RNF220: variants seen among roughly 807,000 people sequenced by gnomAD.
RNF220 encodes E3 ubiquitin-protein ligase RNF220.
Under a neutral mutation model 67.1 loss-of-function variants are expected in RNF220, and 7 were observed. The observed-to-expected ratio is 0.10, with a 90% confidence interval of 0.06 to 0.20. RNF220 has a LOEUF of 0.20. Ranked by LOEUF, RNF220 falls within the 10% of genes least tolerant of loss-of-function variation. The pLI is 1.00. For missense variants in RNF220, 565 were observed against 740.3 expected (o/e 0.76, Z 2.75); for synonymous variants, 270 against 283.2 (o/e 0.95, Z 0.47).
intron 2 of RNF220, among the ~76,000 whole-genome samples, chr1:44,557,692 ATT>A (rs1663225820): frequency 1.3e-5 from 2 of 152,172 alleles, no homozygotes; most frequent in Admixed American, 1.3e-4. Flanking sequence ...GGGAGAATGA[ATT>A]TCTTAAGTTC....
At chr1:44,500,541 T>C (rs1263674551) in intron 2 of RNF220, among the ~76,000 whole-genome samples, 2 of 152,212 alleles carry the variant, frequency 1.3e-5, no homozygotes, top group Non-Finnish European at 2.9e-5. Context: ...AAGGAGAACT[T>C]TGTTCTGTTC....
intron 2 of RNF220, among the ~76,000 whole-genome samples, chr1:44,422,446 G>T (rs993122918): frequency 6.6e-6 from 1 of 152,210 alleles, no homozygotes; most frequent in South Asian, 2.1e-4. Context: ...GCTGATTTAC[G>T]GGGAAAAGAA....
In RNF220 at chr1:44,621,684, T is replaced by C. The variant is rs577308480; in HGVS notation, c.759-1058T>C. Among the ~76,000 whole-genome samples the C allele has an allele frequency of 9.2e-5, 14 of 152,286 alleles. No homozygotes were observed. The East Asian group carries it at 1.9e-3, about 21-fold the overall frequency. On this transcript the variant is annotated intron_variant, in intron 3 of 14. Transcript: ENST00000361799. The surrounding 1 kb of genome is among the most constrained non-coding windows in gnomAD (Gnocchi z 4.8). ...CTGGCCCTGTGGGTGTCTGAGCTCA[T>C]CTGTGGATGTTCCTTATGTCTACAC...
Position 44,650,199 on chromosome 1 carries a change from G to C in RNF220, c.1629+242G>C, listed in dbSNP as rs1254104337. ...ACTGCATTCTCCCTTCCCCGCCCCG[G>C]TCCCCGAAGGCCCACTGCATCACAC... On this transcript the variant is annotated intron_variant, in intron 14 of 14. Transcript: ENST00000361799. This position sits in a 1 kb window ranked among gnomAD's most constrained non-coding sequence, Gnocchi z 4.3. 1 of 580,368 alleles carries C rather than the reference G, an allele frequency of 1.7e-6. No homozygotes were observed. Among genetic ancestry groups the C allele is most frequent in the African/African-American group, 1.9e-5 (1 of 53,292 alleles). 36.0% of individuals were successfully genotyped at this position (580,368 alleles called of 1,614,324 possible). A position where few individuals can be genotyped will look rare whatever the true frequency, so the allele number is the denominator to read the frequency against.
At chr1:44,418,327 AC>A (rs1329609137) in intron 2 of RNF220, among the ~76,000 whole-genome samples, 1 of 152,056 alleles carries the variant, frequency 6.6e-6, no homozygotes, top group African/African-American at 2.4e-5. Context: ...GCGCCTGGGG[AC>A]CTCGCTGGCC....
chr1:44,548,457 T>C (rs1273359562), intron 2 of RNF220, among the ~76,000 whole-genome samples: 1 of 152,168 alleles, frequency 6.6e-6, no homozygotes, highest in East Asian at 1.9e-4. Context: ...CCACCTAGAC[T>C]CCTTCATTCA....
At chr1:44,632,137 G>C (rs1451281177) in intron 5 of RNF220, 3 of 1,532,468 alleles carry the variant, frequency 2.0e-6, no homozygotes, top group African/African-American at 1.4e-5. Context: ...GGTCCCGTTA[G>C]AGCAGCGCCC....
At chr1:44,593,087 T>C (rs1052017490) in intron 2 of RNF220, among the ~76,000 whole-genome samples, 3 of 152,032 alleles carry the variant, frequency 2.0e-5, no homozygotes, top group African/African-American at 7.3e-5. Flanking sequence ...ACAGAACAGA[T>C]CCAGGAGCAG....
chr1:44,430,530 GTTTATTTTTA>G (rs1650249222), intron 2 of RNF220, among the ~76,000 whole-genome samples: 4 of 151,996 alleles, frequency 2.6e-5, no homozygotes, highest in Admixed American at 2.6e-4. Flanking sequence ...CAAAATAAAA[GTTTATTTTTA>G]TTTATTTTTA....
At position 44,433,129 on chromosome 1, in the gene RNF220, C is replaced by A. The variant is rs138194813; in HGVS notation, c.625+20407C>A. On this transcript the variant is annotated intron_variant, in intron 2 of 14. Coordinates refer to ENST00000361799, the MANE Select transcript of RNF220 (RefSeq NM_018150.4). ...ATTTTTTGTAGAGATGGAGTTTCAC[C>A]ATGTTGGCCAGGCTGGTCTCGAACT... Among the ~76,000 whole-genome samples the A allele has an allele frequency of 3.1e-3, 470 of 152,202 alleles. 3 individuals carry two copies. The highest frequency in any genetic ancestry group is 0.011 in the African/African-American group (443 of 41,516).
chr1:44,431,813 TATG>T (rs1188482486), intron 2 of RNF220, among the ~76,000 whole-genome samples: 2 of 152,216 alleles, frequency 1.3e-5, no homozygotes, highest in Non-Finnish European at 2.9e-5. Context: ...ATTGGCTCAA[TATG>T]ATATGTGCTC....
chr1:44,441,251 T>C (rs1051749163), intron 2 of RNF220, among the ~76,000 whole-genome samples: 9 of 152,142 alleles, frequency 5.9e-5, no homozygotes, highest in African/African-American at 2.2e-4. Context: ...AGGCTTTTAA[T>C]TTGCTGTCAC....
At chr1:44,426,352 T>A (rs1254087996) in intron 2 of RNF220, among the ~76,000 whole-genome samples, 2 of 152,106 alleles carry the variant, frequency 1.3e-5, no homozygotes, top group African/African-American at 4.8e-5. Flanking sequence ...CCCTGTCAGA[T>A]TTGGAAGGGC....
At chr1:44,599,268 G>A (rs1227220848) in intron 2 of RNF220, among the ~76,000 whole-genome samples, 2 of 152,204 alleles carry the variant, frequency 1.3e-5, no homozygotes, top group Admixed American at 1.3e-4. Flanking sequence ...AATATTATAT[G>A]ATGTATGCAA....
At chr1:44,487,912 A>G (rs962943033) in intron 2 of RNF220, among the ~76,000 whole-genome samples, 3 of 150,876 alleles carry the variant, frequency 2.0e-5, no homozygotes, top group Non-Finnish European at 4.4e-5. Flanking sequence ...AAATAAATAA[A>G]CTAGGGACCT....
At chr1:44,618,383 G>C (rs180746896) in intron 3 of RNF220, among the ~76,000 whole-genome samples, 1 of 152,326 alleles carries the variant, frequency 6.6e-6, no homozygotes, top group African/African-American at 2.4e-5. Context: ...AGGTACATGG[G>C]TGCACAGACA....
chr1:44,427,532 G>A (rs747587795), intron 2 of RNF220, among the ~76,000 whole-genome samples: 26 of 152,272 alleles, frequency 1.7e-4, no homozygotes, highest in South Asian at 1.0e-3. Context: ...TACCCAGTGC[G>A]TTGCCTGGAA....
rs1647242893 is a variant in RNF220, at chr1:44,405,397, C to CTGCT, written c.-251_-250insTGCT. The stretch of plus-strand genomic sequence containing the variant: ...CGCCTACTGCTGCTGCTGCTGCTGC[C>CTGCT]GCTGCCGCCGCCGCCGCCGCCGCTG... On this transcript the variant is annotated 5_prime_UTR_variant, in exon 1 of 15. The change creates a premature stop within an existing upstream ORF in the 5' untranslated region. Transcript: ENST00000361799. 5 of 561,386 alleles carry CTGCT rather than the reference C, an allele frequency of 8.9e-6. No homozygotes were observed. Among genetic ancestry groups the CTGCT allele is most frequent in the African/African-American group, 8.4e-5 (4 of 47,388 alleles). 34.8% of individuals were successfully genotyped at this position (561,386 alleles called of 1,614,324 possible).
At chr1:44,605,311 A>AAAAG (rs35126399) in intron 2 of RNF220, among the ~76,000 whole-genome samples, 62,784 of 143,040 alleles carry the variant, frequency 0.44, 15,261 homozygotes, top group Middle Eastern at 0.57. Context: ...AAAAAAAAAA[A>AAAAG]AGAAAAGAAA....
Sources: allele counts gnomAD v4.1 joint callset (sites outside exome capture counted in the v4.1 genomes callset), GRCh38; gene constraint gnomAD v4.1.1; non-coding constraint Gnocchi (gnomAD v3.1); transcripts MANE v1.5; gene names NCBI Gene and HGNC (gene_info 2026-07-23, HGNC 2026-07-21).